Variants in MGAT5 observed in about 807,000 individuals in gnomAD.
MGAT5 encodes alpha-1,6-mannosylglycoprotein 6-beta-N-acetylglucosaminyltransferase.
MGAT5 carries 30 observed loss-of-function variants against 94.3 expected under a neutral mutation model. The observed-to-expected ratio is 0.32, with a 90% CI of 0.24 to 0.43. The LOEUF is 0.43. Ranked by LOEUF, MGAT5 falls within the 20% of genes least tolerant of loss-of-function variation. The pLI is 1.00. For missense variants in MGAT5, 691 were observed against 905.5 expected (o/e 0.76, Z 3.04); for synonymous variants, 310 against 322.9 (o/e 0.96, Z 0.43).
At chr2:134,271,771 C>T (rs561653635) in intron 2 of MGAT5, among the ~76,000 whole-genome samples, 28 of 152,234 alleles carry the variant, frequency 1.8e-4, no homozygotes, top group Admixed American at 5.2e-4. Flanking sequence ...TCATCTAGGC[C>T]GTAAATCCTG....
chr2:134,435,623 G>C (rs1370695313), intron 14 of MGAT5, among the ~76,000 whole-genome samples: 1 of 152,188 alleles, frequency 6.6e-6, no homozygotes, highest in East Asian at 1.9e-4. Flanking sequence ...GGACTAGATT[G>C]CATGTCGTCA....
chr2:134,394,280 T>C (rs1012436482), intron 10 of MGAT5, among the ~76,000 whole-genome samples: 1 of 152,252 alleles, frequency 6.6e-6, no homozygotes. Context: ...CCTGCAGAAA[T>C]TGTGTTCTGC....
At chr2:134,290,118 ACT>A (rs1471762604) in intron 2 of MGAT5, among the ~76,000 whole-genome samples, 1 of 152,186 alleles carries the variant, frequency 6.6e-6, no homozygotes, top group Non-Finnish European at 1.5e-5. Flanking sequence ...TTCAAGGCAG[ACT>A]GTGAGGTATT....
At chr2:134,380,872 C>T (rs979434639) in intron 10 of MGAT5, among the ~76,000 whole-genome samples, 1 of 152,016 alleles carries the variant, frequency 6.6e-6, no homozygotes, top group South Asian at 2.1e-4. Flanking sequence ...AGAGTAAACA[C>T]GTTGTATGCT....
chr2:134,362,157 AGGGTAAGATGAAAACAAACATTTTGTTAT>A (rs1680136518), intron 9 of MGAT5, 89 bp from the exon 10 acceptor site: 27 of 1,217,898 alleles, frequency 2.2e-5, no homozygotes, highest in Non-Finnish European at 3.0e-5. Context: ...AAGAAAGAAC[AGGGTAAGATGAAAACAAACATTTTGTTAT>A]GGGTAAGATG....
At chr2:134,164,736 A>G (rs1372963028) in intron 1 of MGAT5, among the ~76,000 whole-genome samples, 2 of 152,178 alleles carry the variant, frequency 1.3e-5, no homozygotes, top group East Asian at 3.9e-4. Flanking sequence ...GTGCTGAGAC[A>G]AGAGGATCGC....
At position 134,221,954 on chromosome 2, in the gene MGAT5, G is replaced by A. The variant is rs34644597; in HGVS notation, c.-142-32308G>A. On this transcript the variant is annotated intron_variant, in intron 1 of 16. Transcript: ENST00000409645. ...CAGCAGGTCCCATGGCTCTAGGAAC[G>A]CTCATTCCTGGAGTTGTCTGATCTG... 5.7e-3 allele frequency among the ~76,000 whole-genome samples: 868 copies of A among 152,244 alleles called. 5 individuals are homozygous for A. The highest frequency in any genetic ancestry group is 0.013 in the South Asian group (62 of 4,818).
chr2:134,397,936 G>A (rs900307603), intron 10 of MGAT5, among the ~76,000 whole-genome samples: 3 of 152,150 alleles, frequency 2.0e-5, no homozygotes, highest in African/African-American at 4.8e-5. Flanking sequence ...CCCATGGCTG[G>A]TTCTGGTCAA....
chr2:134,188,592 T>C (rs1178979443), intron 1 of MGAT5, among the ~76,000 whole-genome samples: 1 of 152,220 alleles, frequency 6.6e-6, no homozygotes, highest in Non-Finnish European at 1.5e-5. Flanking sequence ...GGCATAAATA[T>C]TGGCAGGTAA....
chr2:134,314,275 A>G (rs964936422), intron 2 of MGAT5, among the ~76,000 whole-genome samples: 15 of 152,174 alleles, frequency 9.9e-5, no homozygotes, highest in African/African-American at 3.6e-4. Context: ...CTGTGTAACT[A>G]AATAAAGGAG....
intron 1 of MGAT5, among the ~76,000 whole-genome samples, chr2:134,161,993 C>T (rs573648639): frequency 1.3e-5 from 2 of 151,674 alleles, no homozygotes; most frequent in African/African-American, 2.4e-5. Context: ...GAGTTTGAGA[C>T]CAGCCTGGCC....
intron 1 of MGAT5, among the ~76,000 whole-genome samples, chr2:134,140,516 T>C (rs1490251651): frequency 6.6e-6 from 1 of 152,214 alleles, no homozygotes; most frequent in Non-Finnish European, 1.5e-5. Flanking sequence ...TAAAAGTCTT[T>C]AATGCCGAGC....
chr2:134,414,159 GGT>G (rs1491305455), intron 12 of MGAT5, among the ~76,000 whole-genome samples: 13 of 138,188 alleles, frequency 9.4e-5, no homozygotes, highest in Admixed American at 6.3e-4. Context: ...GTGTGTGTGT[GGT>G]TTTTTTTTTT....
chr2:134,344,853 T>G, intron 7 of MGAT5, 77 bp from the exon 8 acceptor site: 2 of 1,556,954 alleles, frequency 1.3e-6, no homozygotes, highest in South Asian at 2.4e-5. Flanking sequence ...ATTTGCCCAT[T>G]AAAGTTGCCA....
At chr2:134,257,569 C>T (rs1683049165) in intron 1 of MGAT5, among the ~76,000 whole-genome samples, 1 of 152,186 alleles carries the variant, frequency 6.6e-6, no homozygotes, top group Non-Finnish European at 1.5e-5. Context: ...CCCCTGGTTT[C>T]CAGTTCTGGC....
chr2:134,415,866 A>T (rs946839594), intron 12 of MGAT5, among the ~76,000 whole-genome samples: 1 of 152,158 alleles, frequency 6.6e-6, no homozygotes, highest in African/African-American at 2.4e-5. Context: ...TTATTTATTG[A>T]TGACACTGTG....
chr2:134,278,157 G>T (rs561363661), intron 2 of MGAT5, among the ~76,000 whole-genome samples: 1 of 152,156 alleles, frequency 6.6e-6, no homozygotes, highest in African/African-American at 2.4e-5. Context: ...CTCATTGTTG[G>T]TATAGTTTTC....
chr2:134,256,568 C>T (rs1682975122), intron 1 of MGAT5, among the ~76,000 whole-genome samples: 1 of 152,114 alleles, frequency 6.6e-6, no homozygotes, highest in Non-Finnish European at 1.5e-5. Context: ...GGAAGGCTTC[C>T]CCACATTTTA....
chr2:134,445,381 CAGAGCTGGAATGAACAGAGCCCTCAAG>C (rs1444913577), intron 15 of MGAT5, among the ~76,000 whole-genome samples: 1 of 151,692 alleles, frequency 6.6e-6, no homozygotes, highest in African/African-American at 2.4e-5. Context: ...CCTGGCAAGG[CAGAGCTGGAATGAACAGAGCCCTCAAG>C]AGAGGGGGCT....
Sources: gnomAD v4.1 joint callset for allele counts (sites outside exome capture counted in the v4.1 genomes callset) on GRCh38, gnomAD v4.1.1 for gene constraint, MANE v1.5 for transcripts, NCBI Gene and HGNC (gene_info 2026-07-23, HGNC 2026-07-21) for gene names.